Variants in ANK2 observed in about 807,000 individuals in gnomAD.
The protein encoded by ANK2 is ankyrin 2, also known as ankyrin-2.
A neutral mutation model predicts 360.5 loss-of-function variants in ANK2; 83 were observed. That is an observed-to-expected ratio of 0.23 (90% CI 0.19 to 0.28). ANK2 has a LOEUF of 0.28. Among genes scored for constraint, ANK2 ranks in the 10% least tolerant of loss-of-function variants. ANK2 has a pLI of 1.00. For missense variants in ANK2, 4,201 were observed against 4,795.7 expected, an observed-to-expected ratio of 0.88 and a Z score of 3.66; for synonymous variants, 1,740 against 1,759.5, an observed-to-expected ratio of 0.99 and a Z score of 0.28.
chr4:113,203,457 T>C (rs1195707968), intron 4 of ANK2, among the ~76,000 whole-genome samples: 1 of 152,150 alleles, frequency 6.6e-6, no homozygotes, highest in Non-Finnish European at 1.5e-5. Context: ...AAATACATCT[T>C]TAATTTCTCC....
intron 2 of ANK2, among the ~76,000 whole-genome samples, chr4:112,945,162 A>G (rs1413291882): frequency 6.6e-6 from 1 of 152,170 alleles, no homozygotes; most frequent in African/African-American, 2.4e-5. Context: ...CATCTGGAAT[A>G]ATGCTGCCTG....
intron 2 of ANK2, among the ~76,000 whole-genome samples, chr4:112,946,712 A>G (rs2094566258): frequency 6.6e-6 from 1 of 152,354 alleles, no homozygotes; most frequent in East Asian, 1.9e-4. Flanking sequence ...TGACAGGTAC[A>G]ATGCCAAGTT....
intron 1 of ANK2, among the ~76,000 whole-genome samples, chr4:112,864,333 G>T (rs539678879): frequency 6.6e-6 from 1 of 152,016 alleles, no homozygotes; most frequent in African/African-American, 2.4e-5. Flanking sequence ...TTTTTGAGAC[G>T]GAGTCTCGCT....
At chr4:112,864,758 C>T (rs1475700073) in intron 1 of ANK2, among the ~76,000 whole-genome samples, 2 of 151,272 alleles carry the variant, frequency 1.3e-5, no homozygotes, top group Non-Finnish European at 2.9e-5. Flanking sequence ...ACCAGCCGGG[C>T]GCGGTGGCTC....
At chr4:113,323,816 T>C (rs1315432400) in intron 26 of ANK2, 2 of 1,605,418 alleles carry the variant, frequency 1.2e-6, no homozygotes, top group Non-Finnish European at 1.7e-6. Context: ...CATAATTCTT[T>C]CTCTGAACAT....
intron 1 of ANK2, among the ~76,000 whole-genome samples, chr4:113,150,269 C>T (rs573413552): frequency 6.6e-6 from 1 of 152,308 alleles, no homozygotes; most frequent in Non-Finnish European, 1.5e-5. Flanking sequence ...TCCCAGCCTA[C>T]TCCCATCCTC....
chr4:113,019,925 A>G (rs1278971055), intron 2 of ANK2, among the ~76,000 whole-genome samples: 2 of 152,004 alleles, frequency 1.3e-5, no homozygotes, highest in African/African-American at 4.8e-5. Context: ...GTGCAACTGT[A>G]TAGATAAGGG....
chr4:113,345,917 G>A lies in ANK2; in HGVS notation c.4266G>A (p.Gln1422=). Reference sequence around the variant, plus strand: ...TGTTCAAGGTACGCGATACGACTCAGGAACCTTGCGGACGACTATCATTTA... The same window carrying A: ...TGTTCAAGGTACGCGATACGACTCAAGAACCTTGCGGACGACTATCATTTA... The part of the protein sequence containing the change: ...PLFVKVRDTT[Q]EPCGRLSFMK... Residue 1422 remains glutamine (Q), a synonymous_variant, in exon 35 of 46, where the codon CAG becomes CAA. Coordinates refer to ENST00000357077, the MANE Select transcript of ANK2 (RefSeq NM_001148.6). 1 of 1,613,558 alleles carries A rather than the reference G, an allele frequency of 6.2e-7. No individual in the cohort carries two copies. Among genetic ancestry groups the A allele is most frequent in the Non-Finnish European group, 8.5e-7 (1 of 1,179,594 alleles).
chr4:112,845,184 AG>A (rs1291946565), intron 1 of ANK2, among the ~76,000 whole-genome samples: 1 of 152,214 alleles, frequency 6.6e-6, no homozygotes, highest in African/African-American at 2.4e-5. Context: ...TGAGTATAAA[AG>A]TTCACCAGCA....
At chr4:113,044,775 C>T (rs757437302), upstream of ANK2, among the ~76,000 whole-genome samples, 5 of 152,126 alleles carry the variant, frequency 3.3e-5, no homozygotes, top group Non-Finnish European at 7.4e-5. Context: ...TTTTTCTCCT[C>T]TTATAAGGAC....
At chr4:113,095,282 T>G (rs1481851823) in intron 1 of ANK2, among the ~76,000 whole-genome samples, 2 of 152,220 alleles carry the variant, frequency 1.3e-5, no homozygotes, top group African/African-American at 4.8e-5. Context: ...TTTTTTCTAC[T>G]GTGTTGATGC....
intron 1 of ANK2, chr4:112,826,897 A>T (rs1010605204): frequency 2.8e-5 from 43 of 1,514,108 alleles, no homozygotes; most frequent in Non-Finnish European, 3.9e-5. Flanking sequence ...GCAGGGGTCA[A>T]CCTTAATGAA....
intron 1 of ANK2, among the ~76,000 whole-genome samples, chr4:113,061,069 G>A (rs1407719427): frequency 1.3e-5 from 2 of 152,036 alleles, no homozygotes; most frequent in African/African-American, 4.8e-5. Flanking sequence ...CCTATTACAT[G>A]GGGCAGTCAG....
At chr4:113,069,043 G>A (rs1484829949) in intron 1 of ANK2, among the ~76,000 whole-genome samples, 3 of 152,000 alleles carry the variant, frequency 2.0e-5, no homozygotes, top group African/African-American at 4.8e-5. Context: ...GCAACACAGC[G>A]AGACCCTGTC....
At chr4:112,727,210 T>C in the ANK2 span, among the ~76,000 whole-genome samples, 1 of 151,906 alleles carries the variant, frequency 6.6e-6, no homozygotes, top group African/African-American at 2.4e-5. Flanking sequence ...AGAGATCAGG[T>C]TCAAATACAC....
At chr4:112,833,220 CAT>C (rs1257854575) in intron 1 of ANK2, among the ~76,000 whole-genome samples, 1 of 152,212 alleles carries the variant, frequency 6.6e-6, no homozygotes, top group Non-Finnish European at 1.5e-5. Context: ...ATAAGCCAAA[CAT>C]GAGGTAGTGG....
intron 2 of ANK2, among the ~76,000 whole-genome samples, chr4:112,997,001 T>C (rs995323795): frequency 7.9e-5 from 12 of 152,146 alleles, no homozygotes; most frequent in African/African-American, 2.9e-4. Context: ...TTTCACTCTC[T>C]GTCTAGTATA....
chr4:113,121,009 A>C (rs550685510), intron 1 of ANK2, among the ~76,000 whole-genome samples: 3 of 152,320 alleles, frequency 2.0e-5, no homozygotes, highest in South Asian at 2.1e-4. Context: ...CTTAAAAGGC[A>C]AATGTATGAC....
chr4:112,890,811 C>G (rs2079809429), intron 1 of ANK2, among the ~76,000 whole-genome samples: 1 of 152,076 alleles, frequency 6.6e-6, no homozygotes, highest in Admixed American at 6.6e-5. Context: ...AGGTGATCTG[C>G]CTGCCTCAGC....
Sources: gnomAD v4.1 joint callset for allele counts (sites outside exome capture counted in the v4.1 genomes callset) on GRCh38, gnomAD v4.1.1 for gene constraint, MANE v1.5 for transcripts, NCBI Gene and HGNC (gene_info 2026-07-23, HGNC 2026-07-21) for gene names.